The following GGNBP2 variants were observed in gnomAD, a reference collection of about 807,000 sequenced individuals.
The protein encoded by GGNBP2 is gametogenetin-binding protein 2.
GGNBP2 carries 10 observed loss-of-function variants against 85.9 expected under a neutral mutation model. The ratio of observed to expected loss-of-function variants is 0.12; its 90% CI spans 0.07 to 0.20. The LOEUF is 0.20. Ranked by LOEUF, GGNBP2 falls within the 10% of genes least tolerant of loss-of-function variation. GGNBP2 has a pLI of 1.00. For synonymous variants in GGNBP2, 287 were observed against 285.7 expected (o/e 1.00, Z -0.05); for missense variants, 595 against 857.8 (o/e 0.69, Z 3.83).
intron 5 of GGNBP2, 62 bp from the exon 6 acceptor site, chr17:36,567,601 G>T (rs1215750823): frequency 1.2e-6 from 1 of 825,772 alleles, no homozygotes; most frequent in Non-Finnish European, 2.0e-6. Flanking sequence ...TCTGTTTTTT[G>T]TTTTTTTAAG....
At chr17:36,550,706 C>G (rs1337788484) in intron 2 of GGNBP2, among the ~76,000 whole-genome samples, 2 of 152,176 alleles carry the variant, frequency 1.3e-5, no homozygotes, top group Non-Finnish European at 2.9e-5. Context: ...GCAGTAATTG[C>G]AGCACAATGA....
chr17:36,581,196 A>G (rs1452970450), intron 8 of GGNBP2, 148 bp from the exon 9 acceptor site: 10 of 517,162 alleles, frequency 1.9e-5, no homozygotes, highest in Non-Finnish European at 3.4e-5. Context: ...GAGGCAGGAG[A>G]ATGGCGTGAA....
chr17:36,573,162 G>A (rs907795734), intron 6 of GGNBP2, among the ~76,000 whole-genome samples: 1 of 152,010 alleles, frequency 6.6e-6, no homozygotes, highest in Non-Finnish European at 1.5e-5. Context: ...GCCCAGGCAG[G>A]GGTGCAGTGG....
chr17:36,556,614 G>A (rs1437580365), intron 3 of GGNBP2, among the ~76,000 whole-genome samples: 3 of 152,064 alleles, frequency 2.0e-5, no homozygotes, highest in African/African-American at 7.2e-5. Context: ...TGAGGCAGGA[G>A]AATTGCTTGA....
At chr17:36,587,435 C>G in intron 13 of GGNBP2, 190 bp downstream of exon 13, 1 of 641,950 alleles carries the variant, frequency 1.6e-6, no homozygotes, top group Non-Finnish European at 2.7e-6. Flanking sequence ...TACTCTGGAA[C>G]ACGTTTCCAT....
intron 2 of GGNBP2, chr17:36,546,192 A>G: frequency 2.6e-6 from 1 of 387,730 alleles, no homozygotes; most frequent in East Asian, 3.7e-5. Context: ...AGGCTTAATT[A>G]CCTGGTAATG....
At chr17:36,582,024 TA>T (rs2074656313) in intron 9 of GGNBP2, 1 of 152,138 alleles carries the variant, frequency 6.6e-6, no homozygotes. Context: ...ACTACAGGCT[TA>T]CCCCACCAGG....
intron 6 of GGNBP2, among the ~76,000 whole-genome samples, chr17:36,574,019 C>G (rs1555607278): frequency 6.6e-6 from 1 of 151,918 alleles, no homozygotes; most frequent in East Asian, 1.9e-4. Context: ...CTATTAACCC[C>G]TTATTCAATA....
intron 5 of GGNBP2, 58 bp downstream of exon 5, chr17:36,560,929 T>G: frequency 1.1e-6 from 1 of 915,464 alleles, no homozygotes; most frequent in South Asian, 1.6e-5. Flanking sequence ...TATTTGATCA[T>G]ATTTAGTAAA....
chr17:36,579,908 G>T (rs995807976), intron 8 of GGNBP2, among the ~76,000 whole-genome samples: 1 of 152,088 alleles, frequency 6.6e-6, no homozygotes, highest in Admixed American at 6.5e-5. Flanking sequence ...TACTTGGGAG[G>T]CTGAGACAGG....
Position 36,545,097 on chromosome 17 carries a change from G to C in GGNBP2, c.-107G>C, listed in dbSNP as rs1056740459. 6.5e-6 allele frequency: 1 copy of C among 152,948 alleles called. No individual in the cohort carries two copies. Among genetic ancestry groups the C allele is most frequent in the African/African-American group, 2.4e-5 (1 of 41,446 alleles). 9.5% of individuals were successfully genotyped at this position (152,948 alleles called of 1,614,324 possible). On this transcript the variant is annotated splice_region_variant and 5_prime_UTR_variant, in exon 1 of 14. Transcript: ENST00000613102. ...GGAACCGACAGCCTCCTCCGAGAAG[G>C]GTGAGGAAAGGGTCTGAGCCTCCCC...
At chr17:36,575,101 C>G in intron 6 of GGNBP2, 1 of 806,508 alleles carries the variant, frequency 1.2e-6, no homozygotes, top group Admixed American at 1.9e-5. Flanking sequence ...AGACATACAT[C>G]TCCTCCAGGG....
At chr17:36,547,561 T>C (rs1376360293) in intron 2 of GGNBP2, 1 of 152,240 alleles carries the variant, frequency 6.6e-6, no homozygotes, top group South Asian at 2.1e-4. Context: ...TGGCCAACTT[T>C]TTAAGTGCTT....
chr17:36,575,975 T>A (rs2074577473), intron 6 of GGNBP2, among the ~76,000 whole-genome samples: 1 of 150,768 alleles, frequency 6.6e-6, no homozygotes, highest in Non-Finnish European at 1.5e-5. Flanking sequence ...AACATTGTTA[T>A]CTACTATTGG....
chr17:36,566,349 T>C (rs1391301495), intron 5 of GGNBP2, among the ~76,000 whole-genome samples: 2 of 152,022 alleles, frequency 1.3e-5, no homozygotes, highest in African/African-American at 4.8e-5. Context: ...GTGGGAAGTT[T>C]TTAGTAAGTT....
chr17:36,585,769 A>G lies in GGNBP2; in HGVS notation c.1367-71A>G, dbSNP rs962493322. 6 of 1,358,818 alleles carry G rather than the reference A, an allele frequency of 4.4e-6. No individual in the cohort carries two copies. In the Admixed American group the frequency reaches 6.6e-5, roughly 15 times the overall value. 84.2% of individuals were successfully genotyped at this position (1,358,818 alleles called of 1,614,324 possible). On this transcript the variant is annotated intron_variant, in intron 10 of 13. Coordinates refer to ENST00000613102, the MANE Select transcript of GGNBP2 (RefSeq NM_024835.5). Reference sequence around the variant, plus strand: ...ATTATGAGATTTTTCTGTGGTCCCCAAAGAGTTCACTCTTTGTCCTAATAT... The same window carrying G: ...ATTATGAGATTTTTCTGTGGTCCCCGAAGAGTTCACTCTTTGTCCTAATAT...
chr17:36,570,761 C>T (rs780394189), intron 6 of GGNBP2, among the ~76,000 whole-genome samples: 2 of 152,268 alleles, frequency 1.3e-5, no homozygotes, highest in East Asian at 3.9e-4. Context: ...TGGCTCATGC[C>T]TGTAATCCTA....
chr17:36,561,541 C>A (rs1294019651), intron 5 of GGNBP2, among the ~76,000 whole-genome samples: 2 of 152,110 alleles, frequency 1.3e-5, no homozygotes, highest in Non-Finnish European at 2.9e-5. Context: ...TTGTCTCTAG[C>A]TGTAATTTAC....
At chr17:36,575,011 C>T in intron 6 of GGNBP2, 1 of 1,530,170 alleles carries the variant, frequency 6.5e-7, no homozygotes, top group East Asian at 2.4e-5. Context: ...TCTGCACTGG[C>T]ATAATCTTCA....
Sources: allele counts gnomAD v4.1 joint callset (sites outside exome capture counted in the v4.1 genomes callset), GRCh38; gene constraint gnomAD v4.1.1; transcripts MANE v1.5; gene names NCBI Gene and HGNC (gene_info 2026-07-23, HGNC 2026-07-21).